CCDC57: variants seen among roughly 807,000 people sequenced by gnomAD.
The protein encoded by CCDC57 is coiled-coil domain-containing protein 57.
A neutral mutation model predicts 118.9 loss-of-function variants in CCDC57; 118 were observed. The observed-to-expected ratio is 0.99, with a 90% CI of 0.86 to 1.16. The LOEUF is 1.16. Among genes scored for constraint, CCDC57 ranks in the 50% most tolerant of loss-of-function variants. The pLI is 0.00. For synonymous variants in CCDC57, 527 were observed against 532.9 expected, an observed-to-expected ratio of 0.99 and a Z score of 0.15; for missense variants, 1,300 against 1,320.7, an observed-to-expected ratio of 0.98 and a Z score of 0.24.
intron 19 of CCDC57, chr17:82,113,797 T>C: frequency 1.6e-6 from 1 of 636,120 alleles, no homozygotes; most frequent in Middle Eastern, 4.1e-4. Context: ...TGTAAAAAGA[T>C]TAGCCAGCTA....
chr17:82,104,391 G>A (rs2034693292), intron 19 of CCDC57, among the ~76,000 whole-genome samples: 1 of 152,206 alleles, frequency 6.6e-6, no homozygotes, highest in African/African-American at 2.4e-5. Flanking sequence ...CCAAGGCCTT[G>A]CAGTGATTAA....
chr17:82,163,001 C>T (rs1028401554), intron 14 of CCDC57, among the ~76,000 whole-genome samples, 199 bp downstream of exon 13: 32 of 152,242 alleles, frequency 2.1e-4, no homozygotes, highest in Non-Finnish European at 8.8e-5. Flanking sequence ...TCTCATGGCA[C>T]GCCTTCCACG....
intron 19 of CCDC57, among the ~76,000 whole-genome samples, chr17:82,121,657 G>A (rs1257941841): frequency 1.3e-5 from 2 of 152,218 alleles, no homozygotes; most frequent in Non-Finnish European, 2.9e-5. Flanking sequence ...GAATCCCAGA[G>A]GGGCCACCTG....
At chr17:82,149,723 G>GCACACCCAGAACCTGACC (rs1568267487) in intron 16 of CCDC57, among the ~76,000 whole-genome samples, 1 of 151,558 alleles carries the variant, frequency 6.6e-6, no homozygotes, top group African/African-American at 2.4e-5. Flanking sequence ...GACCCCAGGC[G>GCACACCCAGAACCTGACC]CACACCCAGA....
chr17:82,137,358 T>C (rs2039360240), intron 16 of CCDC57, among the ~76,000 whole-genome samples: 1 of 152,214 alleles, frequency 6.6e-6, no homozygotes, highest in Non-Finnish European at 1.5e-5. Context: ...CCCTAAACTA[T>C]GAAGGGTTAT....
intron 19 of CCDC57, among the ~76,000 whole-genome samples, chr17:82,120,681 C>T (rs531289775): frequency 6.6e-6 from 1 of 152,324 alleles, no homozygotes; most frequent in South Asian, 2.1e-4. Context: ...ACTGCATGAA[C>T]CACTTTAGTC....
At chr17:82,101,532 C>G (rs563801702) in exon 20 of CCDC57, 2 of 650,358 alleles carry the variant, frequency 3.1e-6, no homozygotes, top group Non-Finnish European at 5.1e-6. Flanking sequence ...TCAGCAGGGT[C>G]GCCTCAGCAG....
rs550746669 is a variant in CCDC57, at chr17:82,147,180, A to G, written c.2455+4380T>C. ...GAAAGGATGGATAGGTGGGTGGGAT[A>G]AGTGGTTGGATAAATGGATGGATAG... On this transcript the variant is annotated intron_variant, in intron 16 of 19. Coordinates refer to ENST00000665763, the Ensembl canonical transcript of CCDC57. Among the ~76,000 whole-genome samples, 14 of 150,328 alleles carry G rather than the reference A, an allele frequency of 9.3e-5. No individual in the cohort carries two copies. In the South Asian group the frequency reaches 3.0e-3, roughly 32 times the overall value.
chr17:82,132,118 C>CAAAAAAA (rs58856013), intron 17 of CCDC57, among the ~76,000 whole-genome samples: 2 of 101,918 alleles, frequency 2.0e-5, no homozygotes, highest in South Asian at 3.0e-4. Flanking sequence ...GACTCTGTCT[C>CAAAAAAA]AAAAAAAAAA....
chr17:82,103,482 C>G (rs570629773), intron 19 of CCDC57, among the ~76,000 whole-genome samples: 3 of 152,218 alleles, frequency 2.0e-5, no homozygotes, highest in East Asian at 1.9e-4. Flanking sequence ...TCCCTCCCCC[C>G]ACCCCCCACA....
chr17:82,132,387 A>T (rs2038518792), intron 17 of CCDC57, among the ~76,000 whole-genome samples: 1 of 152,122 alleles, frequency 6.6e-6, no homozygotes, highest in African/African-American at 2.4e-5. Context: ...TTTCAAAAAG[A>T]CACGGAAAGG....
In CCDC57 at chr17:82,107,349, G is replaced by A. The variant is rs79978060; in HGVS notation, c.2900-5483C>T. The A allele has an allele frequency of 3.3e-3, 1,486 of 446,800 alleles. 11 individuals carry two copies. The highest frequency in any genetic ancestry group is 0.025 in the African/African-American group (1,237 of 48,722). The allele number at this position is 446,800 out of a possible 1,614,324, so 27.7% of individuals were successfully genotyped here. A position where few individuals can be genotyped will look rare whatever the true frequency, so the allele number is the denominator to read the frequency against. ...TGCATGGCACAGTGGCTTGGCACCC[G>A]GGTGGGGCACAGATGCCGCGGGAGT... On this transcript the variant is annotated intron_variant, in intron 19 of 19. Coordinates refer to ENST00000665763, the Ensembl canonical transcript of CCDC57.
At chr17:82,171,657 G>A (rs772178944) in intron 13 of CCDC57, 44 bp downstream of exon 12, 2 of 1,590,550 alleles carry the variant, frequency 1.3e-6, no homozygotes, top group African/African-American at 2.7e-5. Context: ...TCAGATTTCA[G>A]TTTATAAGGG....
intron 13 of CCDC57, among the ~76,000 whole-genome samples, chr17:82,163,620 T>C (rs1295327765): frequency 1.3e-5 from 2 of 152,116 alleles, no homozygotes; most frequent in Non-Finnish European, 2.9e-5. Flanking sequence ...TAATGTCTGA[T>C]AGAGACCAAT....
intron 3 of CCDC57, among the ~76,000 whole-genome samples, chr17:82,200,910 T>C (rs1418019385): frequency 2.0e-5 from 3 of 152,178 alleles, no homozygotes; most frequent in Admixed American, 2.0e-4. Context: ...TCTCCTAACG[T>C]CTGTACACAC....
At chr17:82,126,705 G>A (rs537855023) in intron 19 of CCDC57, 23 of 985,440 alleles carry the variant, frequency 2.3e-5, no homozygotes, top group Middle Eastern at 5.2e-4. Flanking sequence ...CGTGGCACGC[G>A]GGCAGCCTTG....
intron 3 of CCDC57, among the ~76,000 whole-genome samples, chr17:82,200,234 G>A (rs1329691785): frequency 1.3e-5 from 2 of 152,192 alleles, no homozygotes; most frequent in South Asian, 2.1e-4. Context: ...ACACAACAGA[G>A]GGTAGCTGGT....
chr17:82,184,031 GCACACA>G (rs71166198), intron 8 of CCDC57, 99 bp from the exon 8 acceptor site: 3,011 of 130,982 alleles, frequency 0.023, 19 homozygotes, highest in Middle Eastern at 0.032. Flanking sequence ...GCGCGCGCGC[GCACACA>G]CACACACACA....
At chr17:82,177,435 C>G (rs2045667527) in intron 11 of CCDC57, among the ~76,000 whole-genome samples, 1 of 152,042 alleles carries the variant, frequency 6.6e-6, no homozygotes, top group Non-Finnish European at 1.5e-5. Flanking sequence ...GTCCCAGCTA[C>G]TGGAGCAGCT....
Sources: allele counts gnomAD v4.1 joint callset (sites outside exome capture counted in the v4.1 genomes callset), GRCh38; gene constraint gnomAD v4.1.1; transcripts MANE v1.5; gene names NCBI Gene and HGNC (gene_info 2026-07-23, HGNC 2026-07-21).